The following PTPRR variants were observed in gnomAD, a reference collection of about 807,000 sequenced individuals.
PTPRR encodes the protein protein tyrosine phosphatase receptor type R, also known as receptor-type tyrosine-protein phosphatase R.
PTPRR carries 38 observed loss-of-function variants against 77.2 expected under a neutral mutation model. The ratio of observed to expected loss-of-function variants is 0.49; its 90% CI spans 0.38 to 0.65. The LOEUF (loss-of-function observed/expected upper bound fraction) is 0.65, where lower values mean the gene tolerates loss of function less well. PTPRR is among the 30% of genes least tolerant of loss of function. PTPRR has a pLI of 0.00. For synonymous variants in PTPRR, 299 were observed against 283.1 expected, an observed-to-expected ratio of 1.06 and a Z score of -0.57; for missense variants, 744 against 799.2, an observed-to-expected ratio of 0.93 and a Z score of 0.83.
At chr12:70,754,697 T>C in intron 4 of PTPRR, 1 of 1,595,794 alleles carries the variant, frequency 6.3e-7, no homozygotes, top group Non-Finnish European at 8.5e-7. Context: ...GATTACGTGC[T>C]GTACTACCTC....
At chr12:70,728,636 T>C (rs1358053510) in intron 6 of PTPRR, among the ~76,000 whole-genome samples, 1 of 149,290 alleles carries the variant, frequency 6.7e-6, no homozygotes, top group Non-Finnish European at 1.5e-5. Context: ...TTGAGCATCA[T>C]GTCAATGTTC....
intron 1 of PTPRR, among the ~76,000 whole-genome samples, chr12:70,899,527 G>A (rs1056027436): frequency 6.6e-6 from 1 of 151,352 alleles, no homozygotes; most frequent in Non-Finnish European, 1.5e-5. Context: ...TCTATTCATA[G>A]TAAGAAAAAA....
intron 1 of PTPRR, chr12:70,906,919 C>G (rs1325217066): frequency 6.6e-6 from 1 of 152,442 alleles, no homozygotes; most frequent in Non-Finnish European, 1.5e-5. Context: ...ACTTCCAAGG[C>G]TGGTCCCAGT....
At chr12:70,768,421 A>C (rs1890882630) in intron 2 of PTPRR, among the ~76,000 whole-genome samples, 1 of 152,232 alleles carries the variant, frequency 6.6e-6, no homozygotes, top group Non-Finnish European at 1.5e-5. Context: ...GAAATGGATA[A>C]ATTCCTTGAC....
intron 2 of PTPRR, among the ~76,000 whole-genome samples, chr12:70,836,538 C>G (rs1379681737): frequency 6.6e-6 from 1 of 151,996 alleles, no homozygotes; most frequent in African/African-American, 2.4e-5. Context: ...ATCAACCATA[C>G]CCCATGTAAT....
intron 2 of PTPRR, among the ~76,000 whole-genome samples, chr12:70,791,921 T>C (rs1026131731): frequency 2.6e-5 from 4 of 152,174 alleles, no homozygotes; most frequent in African/African-American, 4.8e-5. Flanking sequence ...GTGGCTATTT[T>C]TGAGAAACGA....
intron 2 of PTPRR, among the ~76,000 whole-genome samples, chr12:70,805,880 CAT>C (rs1460841008): frequency 6.6e-6 from 1 of 152,154 alleles, no homozygotes; most frequent in Non-Finnish European, 1.5e-5. Context: ...GCTATATACA[CAT>C]ATATAGTTCT....
At chr12:70,912,148 T>G (rs2137137523) in intron 1 of PTPRR, among the ~76,000 whole-genome samples, 1 of 152,338 alleles carries the variant, frequency 6.6e-6, no homozygotes, top group Admixed American at 6.5e-5. Context: ...ATTAATGGAT[T>G]GATGGTCTTT....
rs1162718782 is a variant in PTPRR, at chr12:70,669,555, GTT to G, written c.1498-6952_1498-6951del. ...ATACACACAAGCCATATATATATATGTTATACACACACACACACACACACACA... is the reference window on the plus strand; with the variant it reads ...ATACACACAAGCCATATATATATATGATACACACACACACACACACACACA... On this transcript the variant is annotated intron_variant, in intron 10 of 13. Transcript: ENST00000283228. Among the ~76,000 whole-genome samples the G allele has an allele frequency of 7.0e-5, 7 of 99,670 alleles. No homozygotes were observed. The Admixed American group carries it at 7.4e-4, about 10-fold the overall frequency. The allele number at this position is 99,670 out of a possible 152,430, so 65.4% of individuals were successfully genotyped here. A position where few individuals can be genotyped will look rare whatever the true frequency, so the allele number is the denominator to read the frequency against.
At chr12:70,772,177 C>A (rs1890992544) in intron 2 of PTPRR, among the ~76,000 whole-genome samples, 1 of 152,010 alleles carries the variant, frequency 6.6e-6, no homozygotes, top group Admixed American at 6.6e-5. Flanking sequence ...TTATGCATTT[C>A]TTTTATTCTT....
At chr12:70,706,729 G>A (rs181396364) in intron 6 of PTPRR, among the ~76,000 whole-genome samples, 16 of 152,040 alleles carry the variant, frequency 1.1e-4, no homozygotes, top group Non-Finnish European at 1.8e-4. Context: ...AAAAGAACCA[G>A]ATACATTGAA....
Position 70,661,084 on chromosome 12 carries a change from G to T in PTPRR, c.1622C>A (p.Thr541Asn). The T allele has an allele frequency of 6.2e-7, 1 of 1,610,256 alleles. No homozygotes were observed. Among genetic ancestry groups the T allele is most frequent in the Non-Finnish European group, 8.5e-7 (1 of 1,177,918 alleles). The change falls in exon 12 of 14, where the codon ACC (threonine) becomes AAC (asparagine). Residue 541 changes from threonine (T) to asparagine (N), a missense_variant. This residue lies in a region of PTPRR where 170 missense variants were observed against 209.8 expected (regional missense o/e 0.81). Transcript: ENST00000283228. The stretch of plus-strand genomic sequence containing the variant: ...GTACCAGTAATGCTTCACATGTTGG[G>T]TGTGGCTTCCTTGCTGAAAATAGCA... ...RNLVLKQGSH[T>N]QHVKHYWYTS...
chr12:70,719,981 TC>T (rs1393370108), intron 6 of PTPRR, among the ~76,000 whole-genome samples: 7 of 152,352 alleles, frequency 4.6e-5, no homozygotes, highest in African/African-American at 1.4e-4. Flanking sequence ...ACCTCTCCTG[TC>T]TGTAAGTGGC....
chr12:70,729,842 A>G (rs1167415650), intron 6 of PTPRR, among the ~76,000 whole-genome samples: 5 of 152,172 alleles, frequency 3.3e-5, no homozygotes, highest in Admixed American at 2.0e-4. Context: ...TAAGAAAAAA[A>G]AAACCTGAGG....
intron 5 of PTPRR, among the ~76,000 whole-genome samples, chr12:70,746,447 A>G (rs1890217634): frequency 1.3e-5 from 2 of 152,216 alleles, no homozygotes; most frequent in African/African-American, 4.8e-5. Flanking sequence ...CGTCTATGAC[A>G]TTTATAGAAA....
intron 2 of PTPRR, among the ~76,000 whole-genome samples, chr12:70,797,483 G>A (rs1372559607): frequency 2.0e-5 from 3 of 152,050 alleles, no homozygotes; most frequent in African/African-American, 7.2e-5. Context: ...TCTACCCATT[G>A]GCCCATTTCT....
At chr12:70,805,471 A>C (rs1311629558) in intron 2 of PTPRR, among the ~76,000 whole-genome samples, 2 of 152,076 alleles carry the variant, frequency 1.3e-5, no homozygotes, top group African/African-American at 4.8e-5. Context: ...CTCCCACCTC[A>C]TCCTCCCAAG....
At chr12:70,681,461 C>T (rs1299264560) in intron 10 of PTPRR, among the ~76,000 whole-genome samples, 3 of 152,188 alleles carry the variant, frequency 2.0e-5, no homozygotes, top group African/African-American at 2.4e-5. Context: ...ATGGGGGCTG[C>T]TGGGGCCTCT....
chr12:70,757,850 T>C (rs1890598463), intron 4 of PTPRR, among the ~76,000 whole-genome samples: 1 of 152,218 alleles, frequency 6.6e-6, no homozygotes, highest in South Asian at 2.1e-4. Context: ...GAGGTATAAG[T>C]TGTTATAAAA....
Sources: allele counts gnomAD v4.1 joint callset (sites outside exome capture counted in the v4.1 genomes callset), GRCh38; gene constraint gnomAD v4.1.1; regional missense constraint gnomAD v4.1.1; transcripts MANE v1.5; gene names NCBI Gene and HGNC (gene_info 2026-07-23, HGNC 2026-07-21).